Variants in FGF13 observed in about 807,000 individuals in gnomAD.
FGF13 encodes fibroblast growth factor homologous factor 2.
Under a neutral mutation model 19.5 loss-of-function variants are expected in FGF13, and 2 were observed. The ratio of observed to expected loss-of-function variants is 0.10; its 90% CI spans 0.04 to 0.32. The LOEUF (loss-of-function observed/expected upper bound fraction) is 0.32, where lower values mean the gene tolerates loss of function less well. Among genes scored for constraint, FGF13 ranks in the 10% least tolerant of loss-of-function variants. FGF13 has a pLI of 1.00. For missense variants in FGF13, 113 were observed against 192.7 expected, an observed-to-expected ratio of 0.59 and a Z score of 2.45; for synonymous variants, 72 against 76.9, an observed-to-expected ratio of 0.94 and a Z score of 0.33.
intron 1 of FGF13, among the ~76,000 whole-genome samples, chrX:138,735,363 T>C (rs2090266020): frequency 8.9e-6 from 1 of 111,754 alleles, no homozygotes; most frequent in Non-Finnish European, 1.9e-5. Context: ...AGTTCCTGTA[T>C]CATAACTCTT....
At chrX:139,203,911 T>A, upstream of FGF13, 1 of 559,939 alleles carries the variant, frequency 1.8e-6, no homozygotes, top group South Asian at 2.8e-5. Flanking sequence ...TAGCGACCTC[T>A]GCCCCCCCTT....
At position 138,917,123 on chromosome X, in the gene FGF13, T is replaced by C. The variant is rs909741027; in HGVS notation, c.-112-52473A>G. 3.6e-5 allele frequency among the ~76,000 whole-genome samples: 4 copies of C among 111,951 alleles called. No homozygotes were observed. The East Asian group carries it at 1.1e-3, about 31-fold the overall frequency. ...AAAAAGAGAGCAGCATTATATTGAA[T>C]TACTAAGTGGCCTAACACTTAGGAA... On this transcript the variant is annotated intron_variant, in intron 1 of 2. Coordinates refer to the FGF13 transcript ENST00000421460.
At chrX:138,749,616 T>C (rs1456918303) in intron 3 of FGF13, among the ~76,000 whole-genome samples, 1 of 110,762 alleles carries the variant, frequency 9.0e-6, no homozygotes, top group Non-Finnish European at 1.9e-5. Flanking sequence ...AGTTCACAAG[T>C]ACAAAGACAT....
chrX:139,167,287 T>C (rs61394867), intron 1 of FGF13, among the ~76,000 whole-genome samples: 6,802 of 111,470 alleles, frequency 0.061, 441 homozygotes, highest in African/African-American at 0.2. Flanking sequence ...AGCTGGCGTA[T>C]AGGAACATTT....
chrX:139,197,993 CAAAAAAAAAAA>C (rs57335781), intron 1 of FGF13, among the ~76,000 whole-genome samples: 1 of 23,294 alleles, frequency 4.3e-5, no homozygotes, highest in African/African-American at 1.5e-4. Flanking sequence ...GACCCTACCT[CAAAAAAAAAAA>C]AAAAAAAAAA....
chrX:139,158,051 C>A (rs1226318796), intron 1 of FGF13, among the ~76,000 whole-genome samples: 1 of 111,816 alleles, frequency 8.9e-6, no homozygotes, highest in African/African-American at 3.3e-5. Context: ...AAGGAATGTG[C>A]CATGCGGAAT....
chrX:138,750,400 C>A (rs2090389618), intron 3 of FGF13, among the ~76,000 whole-genome samples: 1 of 110,602 alleles, frequency 9.0e-6, no homozygotes, highest in Non-Finnish European at 1.9e-5. Flanking sequence ...TTATTTCTTT[C>A]CAAAAGACAG....
At chrX:138,778,621 C>G (rs1032376067) in intron 3 of FGF13, among the ~76,000 whole-genome samples, 1 of 112,301 alleles carries the variant, frequency 8.9e-6, no homozygotes, top group African/African-American at 3.2e-5. Context: ...GCTTAAAAAA[C>G]GGCACACCGG....
In FGF13 at chrX:138,654,703, T is replaced by C. The variant is rs138302439; in HGVS notation, c.403-19048A>G. ...TTGCAATGAGCTGGGATTGCACCAC[T>C]GCACTCCAGCCTGGGTGACAGAGTG... is the stretch of plus-strand genomic sequence containing the variant. On this transcript the variant is annotated intron_variant, in intron 3 of 4. Coordinates refer to ENST00000315930, the MANE Select transcript of FGF13 (RefSeq NM_004114.5). Among the ~76,000 whole-genome samples, 194 of 111,047 alleles carry C rather than the reference T, an allele frequency of 1.7e-3. 1 individual carries two copies. The highest frequency in any genetic ancestry group is 5.8e-3 in the African/African-American group (178 of 30,490).
At chrX:139,121,872 G>A (rs1017063066) in intron 1 of FGF13, among the ~76,000 whole-genome samples, 2 of 111,192 alleles carry the variant, frequency 1.8e-5, no homozygotes, top group Non-Finnish European at 3.8e-5. Context: ...GAGAAAATGT[G>A]AGCAAGAGCA....
At chrX:138,943,870 G>A (rs754290068) in intron 1 of FGF13, among the ~76,000 whole-genome samples, 1 of 111,816 alleles carries the variant, frequency 8.9e-6, no homozygotes, top group East Asian at 2.8e-4. Flanking sequence ...AGCAACAGCA[G>A]CTGAAATACG....
At chrX:138,685,060 G>T (rs1022882033) in intron 3 of FGF13, among the ~76,000 whole-genome samples, 7 of 111,790 alleles carry the variant, frequency 6.3e-5, no homozygotes, top group African/African-American at 1.9e-4. Context: ...ATTAAAAGCA[G>T]GAAGTACTGT....
intron 1 of FGF13, among the ~76,000 whole-genome samples, chrX:139,027,707 G>T (rs1603138524): frequency 9.0e-6 from 1 of 111,444 alleles, no homozygotes; most frequent in African/African-American, 3.3e-5. Flanking sequence ...AGATACATCT[G>T]TAAACACGCT....
intron 1 of FGF13, among the ~76,000 whole-genome samples, chrX:138,953,922 C>G (rs911253552): frequency 1.1e-4 from 12 of 110,798 alleles, no homozygotes; most frequent in African/African-American, 3.6e-4. Context: ...AAGCCTTTGT[C>G]TCTGGAAAGG....
At chrX:138,778,612 C>A (rs137881306) in intron 3 of FGF13, among the ~76,000 whole-genome samples, 1,857 of 112,396 alleles carry the variant, frequency 0.017, 41 homozygotes, top group African/African-American at 0.057. Context: ...TTCCGACAGG[C>A]TTAAAAAACG....
Position 138,661,898 on chromosome X carries a change from T to A in FGF13, c.403-26243A>T, listed in dbSNP as rs1255629158. On this transcript the variant is annotated intron_variant, in intron 3 of 4. Transcript: ENST00000315930. ...TCTCACTAAGTACTATTTCTTTGAA[T>A]GTGATGCAGATTTCATCAGGGGGTT... 3.6e-5 allele frequency among the ~76,000 whole-genome samples: 4 copies of A among 111,865 alleles called. 1 individual carries two copies. The highest frequency in any genetic ancestry group is 7.5e-5 in the Non-Finnish European group (4 of 53,088).
At position 138,850,802 on chromosome X, in the gene FGF13, A is replaced by G. The variant is rs749037763; in HGVS notation, c.217+6710T>C. The stretch of plus-strand genomic sequence containing the variant: ...TTTGTTACATAGGTAAATGTGTGCC[A>G]TGGTGGTTTGCTGCACCTATCAAAC... On this transcript the variant is annotated intron_variant, in intron 3 of 6. Coordinates refer to the FGF13 transcript ENST00000436198. 2.2e-3 allele frequency among the ~76,000 whole-genome samples: 246 copies of G among 112,284 alleles called. 2 individuals are homozygous for G. Among genetic ancestry groups the G allele is most frequent in the African/African-American group, 7.7e-3 (238 of 30,965 alleles).
intron 1 of FGF13, among the ~76,000 whole-genome samples, chrX:138,891,107 C>A (rs762128859): frequency 8.6e-4 from 96 of 111,503 alleles, no homozygotes; most frequent in African/African-American, 3.0e-3. Flanking sequence ...CTGGCTAACA[C>A]GGTGAAACCC....
chrX:138,674,286 A>C (rs751217234), intron 3 of FGF13, among the ~76,000 whole-genome samples: 1 of 111,850 alleles, frequency 8.9e-6, no homozygotes, highest in East Asian at 2.9e-4. Context: ...AGAACAAAGT[A>C]AAGTCAGTAA....
Sources: allele counts gnomAD v4.1 joint callset (sites outside exome capture counted in the v4.1 genomes callset), GRCh38; gene constraint gnomAD v4.1.1; transcripts MANE v1.5; gene names NCBI Gene and HGNC (gene_info 2026-07-23, HGNC 2026-07-21).